DNAH12: variants seen among roughly 807,000 people sequenced by gnomAD.
DNAH12 encodes axonemal beta dynein heavy chain 12.
A neutral mutation model predicts 371.5 loss-of-function variants in DNAH12; 285 were observed. The observed-to-expected ratio is 0.77, with a 90% CI of 0.70 to 0.85. DNAH12 has a LOEUF of 0.85. Ranked by LOEUF, DNAH12 falls within the 40% of genes least tolerant of loss-of-function variation. The pLI is 0.00. For missense variants in DNAH12, 3,611 were observed against 3,689.4 expected, an observed-to-expected ratio of 0.98 and a Z score of 0.55; for synonymous variants, 1,200 against 1,213.0, an observed-to-expected ratio of 0.99 and a Z score of 0.22.
chr3:57,327,473 G>A (rs1382890060), intron 62 of DNAH12, among the ~76,000 whole-genome samples: 23 of 152,106 alleles, frequency 1.5e-4, no homozygotes, highest in African/African-American at 4.6e-4. Context: ...GGTACATAGC[G>A]AAATGAAGGC....
At chr3:57,476,447 C>T (rs1346915632) in intron 13 of DNAH12, among the ~76,000 whole-genome samples, 5 of 152,034 alleles carry the variant, frequency 3.3e-5, no homozygotes, top group Non-Finnish European at 7.4e-5. Flanking sequence ...GCCTGTACTC[C>T]CAGCTACTCA....
intron 55 of DNAH12, among the ~76,000 whole-genome samples, chr3:57,370,257 G>A (rs2063142086): frequency 6.6e-6 from 1 of 152,102 alleles, no homozygotes; most frequent in South Asian, 2.1e-4. Context: ...TTTTCATCAT[G>A]GTTGAAACAT....
At position 57,352,157 on chromosome 3, in the gene DNAH12, C is replaced by T; in HGVS notation, c.9602G>A (p.Cys3201Tyr). ...LNDHFTYNLY[C>Y]NICRSLFEKD... The stretch of plus-strand genomic sequence containing the variant: ...CTCAAATAGTGATCGGCATATATTA[C>T]AATATAAGTTGTATGTGAAGTGGTC... Residue 3201 changes from cysteine to tyrosine, a missense_variant, in exon 60 of 74, where the codon TGT becomes TAT. Cys to Tyr is a radical substitution (Grantham distance 194). Around this residue, in one of 3 missense-constraint regions of DNAH12, gnomAD observed 2,266 missense variants for 2,236.9 expected, o/e 1.01. Coordinates refer to ENST00000495027, the MANE Select transcript of DNAH12 (RefSeq NM_001366028.2). 6.5e-7 allele frequency: 1 copy of T among 1,543,710 alleles called. No homozygotes were observed. The highest frequency in any genetic ancestry group is 8.7e-7 in the Non-Finnish European group (1 of 1,144,922).
At chr3:57,339,289 G>T (rs1319824463) in intron 60 of DNAH12, among the ~76,000 whole-genome samples, 5 of 151,522 alleles carry the variant, frequency 3.3e-5, no homozygotes, top group Non-Finnish European at 1.5e-5. Context: ...CTTTGTTCAC[G>T]TGTTTATCTG....
chr3:57,481,489 T>C (rs1207184067), intron 13 of DNAH12, among the ~76,000 whole-genome samples: 3 of 151,888 alleles, frequency 2.0e-5, no homozygotes, highest in African/African-American at 4.8e-5. Context: ...AAAATGGCCA[T>C]ACTGCCCAAG....
intron 15 of DNAH12, among the ~76,000 whole-genome samples, chr3:57,471,084 A>C (rs749577374): frequency 6.6e-6 from 1 of 152,200 alleles, no homozygotes; most frequent in Middle Eastern, 3.4e-3. Context: ...CTACTCTACA[A>C]ATAGAGAACT....
chr3:57,389,001 T>C (rs2063553508), intron 45 of DNAH12, among the ~76,000 whole-genome samples: 1 of 152,132 alleles, frequency 6.6e-6, no homozygotes, highest in African/African-American at 2.4e-5. Context: ...CATGTATACA[T>C]ATGTAACAAA....
intron 58 of DNAH12, among the ~76,000 whole-genome samples, chr3:57,363,055 A>G (rs2062973321): frequency 6.6e-6 from 1 of 152,184 alleles, no homozygotes; most frequent in African/African-American, 2.4e-5. Context: ...ATAAGGTATA[A>G]GGGAGGAATC....
At chr3:57,309,420 G>A (rs1001066226) in intron 68 of DNAH12, among the ~76,000 whole-genome samples, 166 bp from the exon 69 acceptor site, 2 of 152,068 alleles carry the variant, frequency 1.3e-5, no homozygotes, top group African/African-American at 4.8e-5. Flanking sequence ...CACAACCACA[G>A]TTACTAAGAA....
chr3:57,534,148 T>C (rs975394264), intron 2 of DNAH12, among the ~76,000 whole-genome samples: 7 of 149,162 alleles, frequency 4.7e-5, no homozygotes, highest in Non-Finnish European at 9.0e-5. Context: ...CAAGGCAGCA[T>C]TGAGTTCAAT....
intron 13 of DNAH12, 80 bp from the exon 14 acceptor site, chr3:57,472,751 T>G (rs529175898): frequency 1.4e-6 from 2 of 1,382,122 alleles, no homozygotes; most frequent in South Asian, 2.7e-5. Context: ...AACAACAATC[T>G]CTAATACCCT....
intron 49 of DNAH12, among the ~76,000 whole-genome samples, chr3:57,383,719 C>T (rs2063444256): frequency 2.1e-5 from 3 of 143,658 alleles, no homozygotes; most frequent in Middle Eastern, 3.6e-3. Flanking sequence ...ATGATCACAT[C>T]GTTGCACTCC....
rs1575624801 is a variant in DNAH12, at chr3:57,454,773, A to G, written c.3456+2T>C. 6.4e-7 allele frequency: 1 copy of G among 1,550,672 alleles called. No individual in the cohort carries two copies. The highest frequency in any genetic ancestry group is 8.7e-7 in the Non-Finnish European group (1 of 1,146,654). ...GTTACTTAAAAGCAAACAATGCTTT[A>G]CCTCCGTCCCGCCACTTATCACTTC... On this transcript the variant is annotated splice_donor_variant, in intron 23 of 73. Transcript: ENST00000495027. LOFTEE classifies it high-confidence loss of function.
At chr3:57,538,212 T>C (rs2069132982) in intron 2 of DNAH12, among the ~76,000 whole-genome samples, 1 of 144,050 alleles carries the variant, frequency 6.9e-6, no homozygotes, top group East Asian at 2.1e-4. Context: ...ATTTTTTTTC[T>C]TTTAAATGAA....
At position 57,405,096 on chromosome 3, in the gene DNAH12, C is replaced by T; in HGVS notation, c.6628G>A (p.Asp2210Asn). The T allele has an allele frequency of 1.9e-6, 3 of 1,544,124 alleles. No individual in the cohort carries two copies. The highest frequency in any genetic ancestry group is 8.7e-7 in the Non-Finnish European group (1 of 1,144,724). Residue 2210 changes from aspartate (D) to asparagine (N), a missense_variant, in exon 42 of 74, where the codon GAC (aspartate) becomes AAC (asparagine). This residue lies in a region of DNAH12 where 2,266 missense variants were observed against 2,236.9 expected (regional missense o/e 1.01). Transcript: ENST00000495027. ...NLMFGDYMNP[D>N]LEGDDRVYIE... is the part of the protein sequence containing the mutation. ...TAAACTCTATCATCTCCTTCAAGGTCAGGATTCATATAATCACCAAACATG... is the reference window on the plus strand; with the variant it reads ...TAAACTCTATCATCTCCTTCAAGGTTAGGATTCATATAATCACCAAACATG...
chr3:57,414,542 C>G (rs190095410), intron 38 of DNAH12, among the ~76,000 whole-genome samples: 18 of 152,240 alleles, frequency 1.2e-4, no homozygotes, highest in African/African-American at 3.4e-4. Context: ...CCTCCTCCCC[C>G]GCTCCACTCT....
chr3:57,326,593 C>T (rs986565172), intron 62 of DNAH12, among the ~76,000 whole-genome samples: 18 of 152,188 alleles, frequency 1.2e-4, no homozygotes, highest in Admixed American at 2.6e-4. Flanking sequence ...CAGTACCAGC[C>T]GCTGCAAAAT....
At chr3:57,351,390 C>G (rs1553660175) in intron 60 of DNAH12, among the ~76,000 whole-genome samples, 1 of 152,152 alleles carries the variant, frequency 6.6e-6, no homozygotes, top group Non-Finnish European at 1.5e-5. Flanking sequence ...TTCTGGAAAA[C>G]AATTTGTAAT....
At chr3:57,443,950 T>G (rs1453861433) in intron 29 of DNAH12, among the ~76,000 whole-genome samples, 1 of 152,160 alleles carries the variant, frequency 6.6e-6, no homozygotes. Flanking sequence ...ACACCTGTGA[T>G]CCCAGCACTT....
Sources: allele counts gnomAD v4.1 joint callset (sites outside exome capture counted in the v4.1 genomes callset), GRCh38; gene constraint gnomAD v4.1.1; regional missense constraint gnomAD v4.1.1; transcripts MANE v1.5; gene names NCBI Gene and HGNC (gene_info 2026-07-23, HGNC 2026-07-21).